The following PRKCH variants were observed in gnomAD, a reference collection of about 807,000 sequenced individuals.
PRKCH encodes protein kinase C eta, also known as protein kinase C eta type.
PRKCH carries 28 observed loss-of-function variants against 82.5 expected under a neutral mutation model. The ratio of observed to expected loss-of-function variants is 0.34; its 90% CI spans 0.25 to 0.47. PRKCH has a LOEUF of 0.47. Among genes scored for constraint, PRKCH ranks in the 20% least tolerant of loss-of-function variants. The probability of loss-of-function intolerance (pLI) is 1.00; values close to 1 mark genes in which losing one functional copy is unlikely to be tolerated. For missense variants in PRKCH, 705 were observed against 881.8 expected (o/e 0.80, Z 2.54); for synonymous variants, 322 against 327.4 (o/e 0.98, Z 0.18).
intron 1 of PRKCH, among the ~76,000 whole-genome samples, chr14:61,227,328 C>T (rs966080808): frequency 6.6e-6 from 1 of 152,212 alleles, no homozygotes; most frequent in Non-Finnish European, 1.5e-5. Flanking sequence ...GGCGCGGTGG[C>T]TCACGCCTGT....
At chr14:61,248,512 C>G (rs2044907432) in intron 1 of PRKCH, among the ~76,000 whole-genome samples, 1 of 152,110 alleles carries the variant, frequency 6.6e-6, no homozygotes, top group African/African-American at 2.4e-5. Context: ...TACCAGCTTA[C>G]CAGCACCGTA....
chr14:61,405,721 G>A (rs1881911534), intron 2 of PRKCH, among the ~76,000 whole-genome samples: 1 of 152,134 alleles, frequency 6.6e-6, no homozygotes, highest in Admixed American at 6.5e-5. Context: ...CATTTGTTGA[G>A]GAGTTTTAAT....
intron 1 of PRKCH, among the ~76,000 whole-genome samples, chr14:61,224,023 G>A (rs903614060): frequency 6.6e-6 from 1 of 152,108 alleles, no homozygotes; most frequent in Admixed American, 6.5e-5. Context: ...TTTTCTTTAA[G>A]CAGATAATAC....
chr14:61,366,024 A>C (rs1412105884), intron 1 of PRKCH, among the ~76,000 whole-genome samples: 1 of 152,068 alleles, frequency 6.6e-6, no homozygotes, highest in Non-Finnish European at 1.5e-5. Flanking sequence ...TTGTTCTACC[A>C]CTTATGCCTT....
chr14:61,511,679 C>T lies in PRKCH; in HGVS notation c.1434-17396C>T, dbSNP rs530186132. 2.2e-4 allele frequency among the ~76,000 whole-genome samples: 33 copies of T among 152,352 alleles called. No individual in the cohort carries two copies. In the South Asian group the frequency reaches 5.4e-3, roughly 25 times the overall value. ...CTTCTTGTGGAAGAGAAGGCTTGTG[C>T]CCTGCCTTGGCACATGATCCTCTGC... is the stretch of plus-strand genomic sequence containing the variant. On this transcript the variant is annotated intron_variant, in intron 10 of 13. Coordinates refer to ENST00000332981, the MANE Select transcript of PRKCH (RefSeq NM_006255.5).
intron 1 of PRKCH, among the ~76,000 whole-genome samples, chr14:61,249,491 A>G (rs1356793832): frequency 1.4e-5 from 2 of 145,566 alleles, no homozygotes; most frequent in Non-Finnish European, 3.0e-5. Context: ...CTTTACAAGT[A>G]TGATGTGCAA....
At chr14:61,221,450 G>C (rs1040404443) in intron 1 of PRKCH, among the ~76,000 whole-genome samples, 2 of 151,784 alleles carry the variant, frequency 1.3e-5, no homozygotes, top group African/African-American at 4.8e-5. Context: ...TTTCTGCTTG[G>C]GAAAATATTG....
chr14:61,317,450 A>G (rs1249698038), upstream of PRKCH, among the ~76,000 whole-genome samples: 1 of 152,108 alleles, frequency 6.6e-6, no homozygotes, highest in Non-Finnish European at 1.5e-5. Context: ...TTATTTTTAT[A>G]TTTTGTAGAG....
intron 1 of PRKCH, among the ~76,000 whole-genome samples, chr14:61,230,516 G>C (rs1375463052): frequency 6.6e-6 from 1 of 152,200 alleles, no homozygotes; most frequent in Non-Finnish European, 1.5e-5. Flanking sequence ...CCATTTGGGA[G>C]CAACTTAGGT....
In PRKCH at chr14:61,322,423, C is replaced by T. The variant is rs1471952236; in HGVS notation, c.322C>T (p.Leu108=). The change falls in exon 1 of 14, where the codon CTG becomes TTG. Residue 108 remains leucine (L), a synonymous_variant. Transcript: ENST00000332981. ...VANCTLQFQE[L]LRTTGASDTF... ...CAACTGCACCCTGCAGTTCCAGGAG[C>T]TGCTGCGCACGACCGGCGCCTCGGA... 6.2e-7 allele frequency: 1 copy of T among 1,600,198 alleles called. No individual in the cohort carries two copies. Among genetic ancestry groups the T allele is most frequent in the East Asian group, 2.3e-5 (1 of 44,426 alleles).
chr14:61,453,147 G>A, intron 6 of PRKCH, 79 bp from the exon 7 acceptor site: 1 of 1,539,810 alleles, frequency 6.5e-7, no homozygotes. Flanking sequence ...AATCTTTTAG[G>A]CTATTAAAGT....
chr14:61,352,113 A>G (rs945900385), intron 1 of PRKCH, among the ~76,000 whole-genome samples: 5 of 152,160 alleles, frequency 3.3e-5, no homozygotes, highest in Admixed American at 3.3e-4. Flanking sequence ...TAACTGCTGT[A>G]TGAACTCAAG....
chr14:61,436,593 C>T (rs889102125), intron 2 of PRKCH, among the ~76,000 whole-genome samples: 27 of 152,184 alleles, frequency 1.8e-4, no homozygotes, highest in Admixed American at 1.6e-3. Flanking sequence ...AGTATAATGG[C>T]GTGATCTCAG....
intron 1 of PRKCH, among the ~76,000 whole-genome samples, chr14:61,199,715 C>T (rs763336563): frequency 2.0e-5 from 3 of 152,112 alleles, no homozygotes; most frequent in Non-Finnish European, 4.4e-5. Context: ...TGTTGGAAAG[C>T]GTCATGAAAC....
At chr14:61,514,565 T>TGGGTCCCA (rs1416639992) in intron 10 of PRKCH, among the ~76,000 whole-genome samples, 1 of 152,074 alleles carries the variant, frequency 6.6e-6, no homozygotes, top group Non-Finnish European at 1.5e-5. Context: ...AGGTCCCAGA[T>TGGGTCCCA]GGGTCCCAGG....
At chr14:61,495,558 A>C (rs755718049) in intron 10 of PRKCH, among the ~76,000 whole-genome samples, 6 of 152,234 alleles carry the variant, frequency 3.9e-5, no homozygotes, top group Admixed American at 6.5e-5. Context: ...CAGTTCAACA[A>C]ATGTTTATGA....
intron 7 of PRKCH, among the ~76,000 whole-genome samples, chr14:61,455,730 A>G (rs1244489616): frequency 6.6e-6 from 1 of 152,220 alleles, no homozygotes; most frequent in Non-Finnish European, 1.5e-5. Context: ...TCCTTAATCC[A>G]TGACATCCGG....
chr14:61,457,366 G>A (rs756070896), intron 8 of PRKCH, 47 bp downstream of exon 8: 1 of 1,607,628 alleles, frequency 6.2e-7, no homozygotes, highest in Non-Finnish European at 8.5e-7. Flanking sequence ...TGTGCTCTGT[G>A]TATGGGGGGT....
chr14:61,484,903 T>G (rs927065113), intron 9 of PRKCH, among the ~76,000 whole-genome samples: 2 of 151,868 alleles, frequency 1.3e-5, no homozygotes, highest in Admixed American at 6.6e-5. Context: ...TTTTATTTTT[T>G]TGTATAGACA....
Sources: allele counts gnomAD v4.1 joint callset (sites outside exome capture counted in the v4.1 genomes callset), GRCh38; gene constraint gnomAD v4.1.1; transcripts MANE v1.5; gene names NCBI Gene and HGNC (gene_info 2026-07-23, HGNC 2026-07-21).